TRMT2B: variants seen among roughly 807,000 people sequenced by gnomAD.
The protein encoded by TRMT2B is tRNA (uracil-5-)-methyltransferase homolog B.
TRMT2B carries 34 observed loss-of-function variants against 39.7 expected under a neutral mutation model. That is an observed-to-expected ratio of 0.86 (90% CI 0.65 to 1.14). The LOEUF (loss-of-function observed/expected upper bound fraction) is 1.14. Ranked by LOEUF, TRMT2B falls within the 50% of genes most tolerant of loss-of-function variation. The probability of loss-of-function intolerance (pLI) is 0.00; values close to 1 mark genes in which losing one functional copy is unlikely to be tolerated. For missense variants in TRMT2B, 318 were observed against 377.2 expected, an observed-to-expected ratio of 0.84 and a Z score of 1.30; for synonymous variants, 132 against 137.3, an observed-to-expected ratio of 0.96 and a Z score of 0.27.
intron 6 of TRMT2B, 143 bp downstream of exon 6, chrX:101,036,831 A>G: frequency 2.1e-6 from 1 of 482,132 alleles, no homozygotes; most frequent in South Asian, 3.1e-5. Context: ...AGTATCCGTA[A>G]TCAACCTTGT....
chrX:101,049,487 C>A (rs11798150), intron 2 of TRMT2B, among the ~76,000 whole-genome samples: 9,237 of 22,229 alleles, frequency 0.42, 1,910 homozygotes, highest in Non-Finnish European at 0.44. Flanking sequence ...ACCCTGTCTC[C>A]AAAAAAAAAA....
At chrX:100,988,074 T>C in the TRMT2B span, 4 of 526,284 alleles carry the variant, frequency 7.6e-6, no homozygotes. Flanking sequence ...ATCCTCTTGC[T>C]CTGTTGTCAC....
the TRMT2B span, among the ~76,000 whole-genome samples, chrX:100,977,130 G>C: frequency 9.0e-6 from 1 of 110,917 alleles, no homozygotes; most frequent in African/African-American, 3.3e-5. Flanking sequence ...GATCAAATCA[G>C]GGTAAATGGG....
At chrX:100,979,906 G>A in the TRMT2B span, among the ~76,000 whole-genome samples, 1 of 111,634 alleles carries the variant, frequency 9.0e-6, no homozygotes, top group Non-Finnish European at 1.9e-5. Flanking sequence ...TGGTTTACCA[G>A]GCAAAGTCTC....
chrX:101,033,519 T>C (rs1394469980), intron 7 of TRMT2B, among the ~76,000 whole-genome samples: 4 of 109,311 alleles, frequency 3.7e-5, no homozygotes, highest in Non-Finnish European at 5.7e-5. Flanking sequence ...TGCTGGAACC[T>C]GGTGGGTGGA....
chrX:101,007,835 T>C (rs774251495), downstream of TRMT2B, among the ~76,000 whole-genome samples: 7 of 111,026 alleles, frequency 6.3e-5, no homozygotes, highest in African/African-American at 2.3e-4. Flanking sequence ...CTAGCTGGTA[T>C]TTCAGGTGTG....
chrX:101,030,451 A>ATTTTTTTTTTT (rs1248355991), intron 7 of TRMT2B, among the ~76,000 whole-genome samples: 4 of 46,570 alleles, frequency 8.6e-5, no homozygotes, highest in Non-Finnish European at 1.6e-4. Context: ...ATAGATCTGC[A>ATTTTTTTTTTT]TTCTTTTTTT....
intron 9 of TRMT2B, among the ~76,000 whole-genome samples, chrX:101,021,554 G>A (rs1036210411): frequency 1.8e-5 from 2 of 111,248 alleles, no homozygotes; most frequent in East Asian, 2.8e-4. Flanking sequence ...ACTTGAACTC[G>A]GGAGGCAGAG....
the TRMT2B span, among the ~76,000 whole-genome samples, chrX:100,995,159 T>C: frequency 1.8e-5 from 2 of 111,604 alleles, no homozygotes; most frequent in East Asian, 2.8e-4. Context: ...AAACCCTTTA[T>C]TGGAAGACCA....
chrX:101,023,222 T>C (rs2086884117), intron 8 of TRMT2B, among the ~76,000 whole-genome samples: 1 of 112,152 alleles, frequency 8.9e-6, no homozygotes, highest in African/African-American at 3.2e-5. Context: ...GTGAAATTAC[T>C]TGGGAGTTCT....
chrX:101,017,861 G>A (rs1374904474), intron 13 of TRMT2B, among the ~76,000 whole-genome samples: 1 of 112,276 alleles, frequency 8.9e-6, no homozygotes, highest in African/African-American at 3.2e-5. Context: ...CACAAGGGCA[G>A]ATCCCACCTT....
chrX:100,982,859 G>A, the TRMT2B span, among the ~76,000 whole-genome samples: 1 of 110,183 alleles, frequency 9.1e-6, no homozygotes, highest in African/African-American at 3.3e-5. Context: ...ACACAATCAG[G>A]CATGGGTTTC....
At chrX:101,049,487 C>CAAA (rs1168727839) in intron 2 of TRMT2B, among the ~76,000 whole-genome samples, 11 of 21,612 alleles carry the variant, frequency 5.1e-4, no homozygotes, top group East Asian at 3.0e-3. Context: ...ACCCTGTCTC[C>CAAA]AAAAAAAAAA....
the TRMT2B span, among the ~76,000 whole-genome samples, chrX:100,996,706 T>C: frequency 1.8e-5 from 2 of 110,808 alleles, no homozygotes; most frequent in Non-Finnish European, 3.8e-5. Flanking sequence ...ATTAAGAAAA[T>C]TTACATTTCC....
intron 10 of TRMT2B, 107 bp from the exon 11 acceptor site, chrX:101,020,695 G>A: frequency 4.8e-6 from 3 of 626,541 alleles, no homozygotes; most frequent in Non-Finnish European, 7.8e-6. Flanking sequence ...TTTTAAACAG[G>A]GTCTCACTCT....
chrX:100,987,157 T>C, the TRMT2B span, among the ~76,000 whole-genome samples: 4 of 112,251 alleles, frequency 3.6e-5, no homozygotes, highest in East Asian at 1.1e-3. Flanking sequence ...CGTGACTTGC[T>C]CAAGGTCACA....
At chrX:101,003,936 T>C in the TRMT2B span, among the ~76,000 whole-genome samples, 1 of 110,945 alleles carries the variant, frequency 9.0e-6, no homozygotes, top group Admixed American at 9.7e-5. Flanking sequence ...GCTGAAGCAA[T>C]CCTCCCACCT....
the TRMT2B span, among the ~76,000 whole-genome samples, chrX:100,973,471 C>T: frequency 5.1e-4 from 56 of 109,092 alleles, no homozygotes; most frequent in African/African-American, 1.6e-3. Context: ...CTCCGCTGCC[C>T]GCTGAACTCC....
the TRMT2B span, chrX:100,987,497 C>A: frequency 8.3e-7 from 1 of 1,211,346 alleles, no homozygotes; most frequent in Non-Finnish European, 1.1e-6. Context: ...TACCACCTAC[C>A]TCGAGCATCT....
Sources: gnomAD v4.1 joint callset for allele counts (sites outside exome capture counted in the v4.1 genomes callset) on GRCh38, gnomAD v4.1.1 for gene constraint, MANE v1.5 for transcripts, NCBI Gene and HGNC (gene_info 2026-07-23, HGNC 2026-07-21) for gene names.